The following SGCZ variants were observed in gnomAD, a reference collection of about 807,000 sequenced individuals.
The protein encoded by SGCZ is zeta-sarcoglycan.
In SGCZ, 40 loss-of-function variants were observed where a neutral mutation model predicts 41.3. The observed-to-expected ratio is 0.97, with a 90% CI of 0.75 to 1.26. SGCZ has a LOEUF of 1.26. Ranked by LOEUF, SGCZ falls within the 50% of genes most tolerant of loss-of-function variation. The pLI is 0.00. For missense variants in SGCZ, 552 were observed against 369.8 expected (o/e 1.49, Z -4.04); for synonymous variants, 206 against 137.5 (o/e 1.50, Z -3.49).
intron 1 of SGCZ, among the ~76,000 whole-genome samples, chr8:15,123,166 C>G (rs1047201032): frequency 1.3e-5 from 2 of 152,174 alleles, no homozygotes; most frequent in African/African-American, 4.8e-5. Flanking sequence ...ACTACCTTCT[C>G]ATTTTAAGAT....
At chr8:14,515,897 C>A (rs1010935858) in intron 2 of SGCZ, among the ~76,000 whole-genome samples, 1 of 151,954 alleles carries the variant, frequency 6.6e-6, no homozygotes, top group South Asian at 2.1e-4. Context: ...TATTTCAATA[C>A]GTTGTTATAT....
chr8:14,826,596 T>C (rs561212814), intron 1 of SGCZ, among the ~76,000 whole-genome samples: 1 of 152,268 alleles, frequency 6.6e-6, no homozygotes, highest in African/African-American at 2.4e-5. Context: ...CCAGCACCTG[T>C]TGTTTCCTGA....
At chr8:14,430,653 C>G (rs979276047) in intron 2 of SGCZ, among the ~76,000 whole-genome samples, 1 of 152,120 alleles carries the variant, frequency 6.6e-6, no homozygotes, top group Non-Finnish European at 1.5e-5. Context: ...GATGCCCACT[C>G]TCGCCACTCC....
chr8:14,837,837 G>A (rs759099912), intron 1 of SGCZ, among the ~76,000 whole-genome samples: 18 of 152,076 alleles, frequency 1.2e-4, no homozygotes, highest in Non-Finnish European at 1.9e-4. Flanking sequence ...GAGTGCATGT[G>A]ATATTTTGAT....
At chr8:14,551,116 C>CTTTTT (rs75142255) in intron 2 of SGCZ, among the ~76,000 whole-genome samples, 1 of 137,588 alleles carries the variant, frequency 7.3e-6, no homozygotes, top group Non-Finnish European at 1.6e-5. Flanking sequence ...TATTGTAATT[C>CTTTTT]TTTTTTTTTT....
chr8:14,440,382 AC>A (rs1800214432), intron 2 of SGCZ, among the ~76,000 whole-genome samples: 1 of 152,124 alleles, frequency 6.6e-6, no homozygotes, highest in East Asian at 1.9e-4. Flanking sequence ...TGGTGATAAA[AC>A]AAAAATAAAG....
At chr8:14,179,892 A>C (rs898278337) in intron 4 of SGCZ, among the ~76,000 whole-genome samples, 1 of 152,208 alleles carries the variant, frequency 6.6e-6, no homozygotes, top group East Asian at 1.9e-4. Flanking sequence ...AAAAAAAATC[A>C]TCACTGGACA....
chr8:14,500,812 A>C (rs1472826773), intron 2 of SGCZ, among the ~76,000 whole-genome samples: 2 of 152,074 alleles, frequency 1.3e-5, no homozygotes, highest in African/African-American at 4.8e-5. Context: ...ATATCCAACA[A>C]GTTAGTGGAG....
intron 1 of SGCZ, among the ~76,000 whole-genome samples, chr8:14,853,924 A>T (rs953101072): frequency 1.3e-5 from 2 of 150,370 alleles, no homozygotes; most frequent in South Asian, 2.1e-4. Flanking sequence ...CAAAATACAC[A>T]CCTTTCAAGG....
At chr8:14,610,338 G>A (rs781143684) in intron 1 of SGCZ, among the ~76,000 whole-genome samples, 2 of 152,118 alleles carry the variant, frequency 1.3e-5, no homozygotes, top group Admixed American at 6.5e-5. Flanking sequence ...CAAGACAAAT[G>A]AATCATTCTT....
Position 14,457,090 on chromosome 8 carries a change from T to G in SGCZ, c.234+97642A>C, listed in dbSNP as rs141580081. On this transcript the variant is annotated intron_variant, in intron 2 of 7. Transcript: ENST00000382080. ...AGTATAATAAAATATAAAACAAGAA[T>G]AGTTATACCAGATATACCTCTCAGA... Among the ~76,000 whole-genome samples the G allele has an allele frequency of 5.3e-3, 809 of 152,344 alleles. 6 individuals are homozygous for G. The highest frequency in any genetic ancestry group is 0.018 in the African/African-American group (753 of 41,568).
chr8:14,298,388 A>G (rs376488560), intron 3 of SGCZ, among the ~76,000 whole-genome samples: 1 of 151,978 alleles, frequency 6.6e-6, no homozygotes, highest in East Asian at 1.9e-4. Flanking sequence ...ACATAATACT[A>G]AGATTGAAAA....
chr8:14,960,449 G>C (rs1800927710), intron 1 of SGCZ, among the ~76,000 whole-genome samples: 4 of 151,922 alleles, frequency 2.6e-5, no homozygotes, highest in East Asian at 1.9e-4. Flanking sequence ...ATGAAATTTT[G>C]CCAGTCAGAT....
At chr8:14,569,849 G>A (rs1331022227) in intron 1 of SGCZ, among the ~76,000 whole-genome samples, 2 of 152,094 alleles carry the variant, frequency 1.3e-5, no homozygotes, top group African/African-American at 4.8e-5. Flanking sequence ...ACTTGTTCAG[G>A]GTGGAGTGGG....
chr8:14,561,484 T>C (rs753809932), intron 1 of SGCZ, among the ~76,000 whole-genome samples: 11 of 152,158 alleles, frequency 7.2e-5, no homozygotes, highest in Admixed American at 1.3e-4. Flanking sequence ...GTTAATTCAA[T>C]GCCCTCAAAA....
chr8:14,123,279 G>C (rs935872553), intron 5 of SGCZ, among the ~76,000 whole-genome samples: 26 of 152,128 alleles, frequency 1.7e-4, no homozygotes, highest in Non-Finnish European at 7.4e-5. Flanking sequence ...CAAACAATCA[G>C]TAATTGCCAA....
intron 1 of SGCZ, among the ~76,000 whole-genome samples, chr8:14,578,870 A>T (rs748133858): frequency 1.1e-4 from 16 of 152,118 alleles, no homozygotes; most frequent in South Asian, 2.1e-4. Flanking sequence ...TAAATTTACC[A>T]CATTTAATTA....
Position 15,005,066 on chromosome 8 carries a change from C to T in SGCZ, c.39+232519G>A, listed in dbSNP as rs79050781. On this transcript the variant is annotated intron_variant, in intron 1 of 7. Coordinates refer to ENST00000382080, the MANE Select transcript of SGCZ (RefSeq NM_139167.4). ...GCTCTTCTTTCTAGATCACTTCACA[C>T]GGTGCGCTAGATGGCAGAGGCTTCC... Among the ~76,000 whole-genome samples, 344 of 152,266 alleles carry T rather than the reference C, an allele frequency of 2.3e-3. 3 individuals carry two copies. Among genetic ancestry groups the T allele is most frequent in the African/African-American group, 7.7e-3 (319 of 41,546 alleles).
At chr8:15,035,502 A>G (rs1207784324) in intron 1 of SGCZ, among the ~76,000 whole-genome samples, 2 of 152,154 alleles carry the variant, frequency 1.3e-5, no homozygotes, top group African/African-American at 4.8e-5. Context: ...GTTACCTATA[A>G]ATATTTGCCT....
Sources: allele counts gnomAD v4.1 joint callset (sites outside exome capture counted in the v4.1 genomes callset), GRCh38; gene constraint gnomAD v4.1.1; transcripts MANE v1.5; gene names NCBI Gene and HGNC (gene_info 2026-07-23, HGNC 2026-07-21).